Variants in IFNAR2 observed in about 807,000 individuals in gnomAD.
The protein encoded by IFNAR2 is interferon alpha and beta receptor subunit 2.
In IFNAR2, 30 loss-of-function variants were observed where a neutral mutation model predicts 49.4. That is an observed-to-expected ratio of 0.61 (90% CI 0.45 to 0.82). IFNAR2 has a LOEUF of 0.82. Ranked by LOEUF, IFNAR2 falls within the 40% of genes least tolerant of loss-of-function variation. The pLI, the probability that IFNAR2 is intolerant of heterozygous loss-of-function variation, is 0.00. For synonymous variants in IFNAR2, 224 were observed against 234.5 expected (o/e 0.96, Z 0.41); for missense variants, 600 against 622.7 (o/e 0.96, Z 0.39).
chr21:33,245,820 G>A (rs1056336573), intron 4 of IFNAR2, among the ~76,000 whole-genome samples: 12 of 152,226 alleles, frequency 7.9e-5, no homozygotes, highest in Admixed American at 6.5e-4. Context: ...GTTTCTCTTC[G>A]GTGCCTGCTA....
chr21:33,242,136 T>A (rs1986986608), intron 2 of IFNAR2, among the ~76,000 whole-genome samples, 159 bp downstream of exon 2: 1 of 152,208 alleles, frequency 6.6e-6, no homozygotes, highest in South Asian at 2.1e-4. Flanking sequence ...ATAGGAAACC[T>A]ACACTAGTAG....
chr21:33,241,973 C>T lies in IFNAR2; in HGVS notation c.51C>T (p.Leu17=). ...TCTTCAGATCACTTAATTTGGTTCT[C>T]ATGGGTAAGTGCTGCTTTTTATCTT... ...AFIFRSLNLV[L]MVYISLVFGI... The change falls in exon 2 of 9, where the codon CTC becomes CTT. Residue 17 remains leucine, a synonymous_variant. Transcript: ENST00000342136. The T allele has an allele frequency of 1.2e-6, 2 of 1,612,342 alleles. No individual in the cohort carries two copies. Among genetic ancestry groups the T allele is most frequent in the Non-Finnish European group, 1.7e-6 (2 of 1,179,258 alleles).
chr21:33,244,679 GGCATCGGAGAAGCCCTTCT>G (rs2123477238), intron 3 of IFNAR2, among the ~76,000 whole-genome samples: 2 of 152,238 alleles, frequency 1.3e-5, no homozygotes, highest in South Asian at 4.1e-4. Flanking sequence ...ACAGTCCAAG[GGCATCGGAGAAGCCCTTCT>G]GTCCAGACTC....
rs751450811 is a variant in IFNAR2, at chr21:33,246,761, A to G, written c.265A>G (p.Thr89Ala). The G allele has an allele frequency of 4.5e-5, 72 of 1,613,884 alleles. No individual in the cohort carries two copies. The highest frequency in any genetic ancestry group is 5.9e-5 in the Non-Finnish European group (70 of 1,179,848). ...LKVVKNCANT[T>A]RSFCDLTDEW... ...GGTGGTTAAGAACTGTGCAAATACC[A>G]CAAGATCATTTTGTGACCTCACAGA... Residue 89 changes from threonine (T) to alanine (A), a missense_variant, in exon 5 of 9, where the codon ACA (threonine) becomes GCA (alanine). Transcript: ENST00000342136.
At chr21:33,244,865 T>G in intron 3 of IFNAR2, 86 bp from the exon 4 acceptor site, 1 of 1,373,208 alleles carries the variant, frequency 7.3e-7, no homozygotes, top group Non-Finnish European at 1.0e-6. Flanking sequence ...GAGGTGTGGG[T>G]TCTAGATCCC....
At chr21:33,262,514 A>G (rs770539649) in intron 8 of IFNAR2, 1 of 685,714 alleles carries the variant, frequency 1.5e-6, no homozygotes, top group South Asian at 1.5e-5. Flanking sequence ...ATCATCATCA[A>G]CTGCATCATC....
chr21:33,252,280 T>C (rs1250469219), intron 6 of IFNAR2: 2 of 456,840 alleles, frequency 4.4e-6, no homozygotes, highest in Non-Finnish European at 4.3e-6. Flanking sequence ...GTTTTGAAAG[T>C]CAAAAGGGTT....
chr21:33,238,433 G>A (rs553652502), intron 1 of IFNAR2, among the ~76,000 whole-genome samples: 6 of 152,040 alleles, frequency 3.9e-5, no homozygotes, highest in Non-Finnish European at 7.4e-5. Context: ...CCCAGTGTTT[G>A]GGGGACAGAA....
intron 1 of IFNAR2, among the ~76,000 whole-genome samples, chr21:33,237,088 TGTG>T (rs1986528956): frequency 1.3e-5 from 2 of 151,570 alleles, no homozygotes; most frequent in African/African-American, 4.8e-5. Context: ...GGTGTGTGTG[TGTG>T]TGTGTGTGTG....
chr21:33,260,493 G>T, intron 7 of IFNAR2, 104 bp from the exon 8 acceptor site: 1 of 1,083,274 alleles, frequency 9.2e-7, no homozygotes, highest in Non-Finnish European at 1.3e-6. Flanking sequence ...TCAAACCTTT[G>T]GTTTCTTGAT....
In IFNAR2 at chr21:33,248,771, A is replaced by C; in HGVS notation, c.457A>C (p.Lys153Gln). The C allele has an allele frequency of 6.2e-7, 1 of 1,612,342 alleles. No homozygotes were observed. Among genetic ancestry groups the C allele is most frequent in the East Asian group, 2.2e-5 (1 of 44,760 alleles). Residue 153 changes from lysine (K) to glutamine (Q), a missense_variant, in exon 6 of 9, where the codon AAA (lysine) becomes CAA (glutamine). Lys to Gln is a moderately conservative substitution (Grantham distance 53). Transcript: ENST00000342136. ...GFTNHINVMV[K>Q]FPSIVEEELQ... ...TACCAACCACATTAATGTGATGGTG[A>C]AATTTCCATCTATTGTTGAGGAAGA... is the stretch of plus-strand genomic sequence containing the variant.
In IFNAR2 at chr21:33,243,661, T is replaced by C. The variant is rs572800544; in HGVS notation, c.56-12T>C. 1.2e-6 allele frequency: 2 copies of C among 1,611,150 alleles called. No homozygotes were observed. The highest frequency in any genetic ancestry group is 2.7e-5 in the African/African-American group (2 of 75,008). ...AAACTATTGCCTCTCTAATGTGTTT[T>C]CTTCCTTCTAGTGTATATCAGCCTC... On this transcript the variant is annotated splice_polypyrimidine_tract_variant and intron_variant, in intron 2 of 8. Coordinates refer to ENST00000342136, the MANE Select transcript of IFNAR2 (RefSeq NM_001289125.3).
At chr21:33,247,254 C>CTTTTTTTTTTTTTTTTTTTTT (rs59707670) in intron 5 of IFNAR2, among the ~76,000 whole-genome samples, 23 of 91,570 alleles carry the variant, frequency 2.5e-4, no homozygotes, top group Non-Finnish European at 3.0e-4. Flanking sequence ...TTCTTTCTTT[C>CTTTTTTTTTTTTTTTTTTTTT]TTTTTTTTTT....
chr21:33,235,551 A>G (rs937204614), intron 1 of IFNAR2, among the ~76,000 whole-genome samples: 2 of 152,194 alleles, frequency 1.3e-5, no homozygotes, highest in Admixed American at 1.3e-4. Context: ...CACTAAAGGT[A>G]CTAAAATATA....
At chr21:33,236,541 AGG>A (rs1986475103) in intron 1 of IFNAR2, among the ~76,000 whole-genome samples, 2 of 152,186 alleles carry the variant, frequency 1.3e-5, no homozygotes, top group Non-Finnish European at 2.9e-5. Flanking sequence ...CCATGGGGCG[AGG>A]CTGGAGTGCT....
intron 1 of IFNAR2, among the ~76,000 whole-genome samples, chr21:33,237,493 C>G (rs1038808150): frequency 2.0e-5 from 3 of 152,172 alleles, no homozygotes; most frequent in African/African-American, 7.2e-5. Context: ...CGAGATCACA[C>G]CACTGCACTC....
At chr21:33,249,908 T>G (rs557678579) in intron 6 of IFNAR2, among the ~76,000 whole-genome samples, 2 of 151,906 alleles carry the variant, frequency 1.3e-5, no homozygotes, top group East Asian at 3.9e-4. Context: ...AGGCAGGAGA[T>G]GAAGAGGAGG....
intron 6 of IFNAR2, 140 bp downstream of exon 6, chr21:33,248,994 A>G (rs1987649025): frequency 3.1e-6 from 2 of 640,764 alleles, no homozygotes; most frequent in African/African-American, 1.9e-5. Flanking sequence ...CTTAGGGAAG[A>G]AGTCACTATG....
At chr21:33,236,201 C>T (rs777045703) in intron 1 of IFNAR2, among the ~76,000 whole-genome samples, 2 of 152,158 alleles carry the variant, frequency 1.3e-5, no homozygotes, top group African/African-American at 2.4e-5. Flanking sequence ...CTCCCTCAGG[C>T]TCAGGGATAC....
Sources: gnomAD v4.1 joint callset for allele counts (sites outside exome capture counted in the v4.1 genomes callset) on GRCh38, gnomAD v4.1.1 for gene constraint, MANE v1.5 for transcripts, NCBI Gene and HGNC (gene_info 2026-07-23, HGNC 2026-07-21) for gene names.